The following VPS13B variants were observed in gnomAD, a reference collection of about 807,000 sequenced individuals.
VPS13B encodes the protein vacuolar protein sorting 13 homolog B.
VPS13B carries 285 observed loss-of-function variants against 426.4 expected under a neutral mutation model. The ratio of observed to expected loss-of-function variants is 0.67; its 90% confidence interval spans 0.61 to 0.74. VPS13B has a LOEUF of 0.74. Among genes scored for constraint, VPS13B ranks in the 30% least tolerant of loss-of-function variants. The probability of loss-of-function intolerance (pLI) is 0.00; values close to 1 mark genes in which losing one functional copy is unlikely to be tolerated. For synonymous variants in VPS13B, 1,676 were observed against 1,676.4 expected (o/e 1.00, Z 0.01); for missense variants, 4,537 against 4,782.6 (o/e 0.95, Z 1.51).
intron 30 of VPS13B, among the ~76,000 whole-genome samples, chr8:99,532,631 T>C (rs1822989778): frequency 6.6e-6 from 1 of 152,010 alleles, no homozygotes; most frequent in African/African-American, 2.4e-5. Context: ...TTGCTCTGTT[T>C]CTTACTATGA....
At chr8:99,351,591 C>T (rs748370474) in intron 19 of VPS13B, among the ~76,000 whole-genome samples, 7 of 152,056 alleles carry the variant, frequency 4.6e-5, no homozygotes, top group African/African-American at 1.4e-4. Flanking sequence ...CATTACCTCT[C>T]TCAAAATGTG....
At chr8:99,225,894 C>A (rs1248427390) in intron 17 of VPS13B, among the ~76,000 whole-genome samples, 2 of 152,154 alleles carry the variant, frequency 1.3e-5, no homozygotes, top group African/African-American at 4.8e-5. Flanking sequence ...ATGATCATTT[C>A]ATGACCTTCT....
intron 7 of VPS13B, among the ~76,000 whole-genome samples, chr8:99,118,003 T>C (rs967029823): frequency 6.6e-6 from 1 of 152,188 alleles, no homozygotes; most frequent in African/African-American, 2.4e-5. Context: ...AATCAGAGTA[T>C]GTAGATATAA....
At chr8:99,809,837 A>G (rs1195205958) in intron 44 of VPS13B, among the ~76,000 whole-genome samples, 2 of 152,182 alleles carry the variant, frequency 1.3e-5, no homozygotes, top group African/African-American at 4.8e-5. Flanking sequence ...GAAATAGCCA[A>G]AAGTCCTTTA....
At chr8:99,285,544 A>G (rs1819388577) in intron 19 of VPS13B, among the ~76,000 whole-genome samples, 5 of 152,104 alleles carry the variant, frequency 3.3e-5, no homozygotes, top group African/African-American at 9.7e-5. Context: ...ATTTGTTTAA[A>G]GTATGTTTTA....
intron 30 of VPS13B, among the ~76,000 whole-genome samples, chr8:99,556,027 A>G (rs1824543976): frequency 1.3e-5 from 2 of 152,108 alleles, no homozygotes; most frequent in African/African-American, 4.8e-5. Context: ...AAAACAAACA[A>G]ACAAAAAACC....
intron 33 of VPS13B, among the ~76,000 whole-genome samples, chr8:99,636,790 T>C (rs1337829781): frequency 6.6e-6 from 1 of 152,060 alleles, no homozygotes; most frequent in African/African-American, 2.4e-5. Context: ...TACAGTAATA[T>C]GCATTTAATT....
At chr8:99,160,478 G>A (rs1811587655) in intron 15 of VPS13B, among the ~76,000 whole-genome samples, 2 of 151,902 alleles carry the variant, frequency 1.3e-5, no homozygotes, top group Admixed American at 1.3e-4. Flanking sequence ...GAGCAAAGTG[G>A]TGAAACCTCA....
chr8:99,304,080 T>G (rs1405075504), intron 19 of VPS13B, among the ~76,000 whole-genome samples: 1 of 152,192 alleles, frequency 6.6e-6, no homozygotes. Flanking sequence ...TTTGTGATCA[T>G]GGGCTAGTTT....
At chr8:99,017,712 C>T (rs185727840) in intron 2 of VPS13B, among the ~76,000 whole-genome samples, 2,912 of 152,124 alleles carry the variant, frequency 0.019, 40 homozygotes, top group Non-Finnish European at 0.031. Flanking sequence ...AGGCTGGTCT[C>T]GAACTCCTGA....
chr8:99,141,467 T>A (rs1810418474), intron 12 of VPS13B, among the ~76,000 whole-genome samples: 1 of 152,170 alleles, frequency 6.6e-6, no homozygotes, highest in Admixed American at 6.5e-5. Flanking sequence ...GTAACCGAAG[T>A]TCTATCTTTA....
chr8:99,638,819 G>A lies in VPS13B; in HGVS notation c.5221-2992G>A, dbSNP rs570518171. Reference sequence around the variant, plus strand: ...TTCTCCATTTACATTTCTTTATATCGTAACAATCATGTAACTCTAGTCTGC... The same window carrying A: ...TTCTCCATTTACATTTCTTTATATCATAACAATCATGTAACTCTAGTCTGC... On this transcript the variant is annotated intron_variant, in intron 33 of 61. Transcript: ENST00000357162. Among the ~76,000 whole-genome samples the A allele has an allele frequency of 1.9e-3, 294 of 152,134 alleles. 4 individuals carry two copies. The highest frequency in any genetic ancestry group is 5.0e-3 in the Admixed American group (76 of 15,262).
At chr8:99,221,547 C>T (rs749710407) in intron 17 of VPS13B, among the ~76,000 whole-genome samples, 1 of 152,298 alleles carries the variant, frequency 6.6e-6, no homozygotes, top group South Asian at 2.1e-4. Flanking sequence ...GAAGTTTATT[C>T]TGTTACACAG....
rs142445489 is a variant in VPS13B at position 99,448,625 on chromosome 8, G to A, written c.3445+5990G>A. Among the ~76,000 whole-genome samples the A allele has an allele frequency of 1.7e-3, 265 of 152,252 alleles. 1 individual carries two copies. Among genetic ancestry groups the A allele is most frequent in the African/African-American group, 6.1e-3 (254 of 41,556 alleles). On this transcript the variant is annotated intron_variant, in intron 23 of 61. Coordinates refer to ENST00000357162, the MANE Select transcript of VPS13B (RefSeq NM_152564.5). ...TTTTCACACAGCCCTTCTGGTTTCA[G>A]TGTCATGCCTGTATTCTCTTTTTCA... is the stretch of plus-strand genomic sequence containing the variant.
intron 21 of VPS13B, among the ~76,000 whole-genome samples, chr8:99,400,660 A>G (rs1353620422): frequency 2.0e-5 from 3 of 152,048 alleles, no homozygotes; most frequent in Non-Finnish European, 4.4e-5. Context: ...ATTGCATGGT[A>G]TTACTTTTTT....
At chr8:99,130,544 T>A (rs958836614) in intron 8 of VPS13B, among the ~76,000 whole-genome samples, 5 of 151,958 alleles carry the variant, frequency 3.3e-5, no homozygotes, top group Non-Finnish European at 7.4e-5. Context: ...CCCGCCACCA[T>A]GCCCGGCTAA....
intron 19 of VPS13B, among the ~76,000 whole-genome samples, chr8:99,315,254 A>G (rs1471844269): frequency 6.6e-6 from 1 of 151,790 alleles, no homozygotes; most frequent in Non-Finnish European, 1.5e-5. Flanking sequence ...TCCCTCTGGG[A>G]CACTGAAAAT....
chr8:99,041,570 T>C lies in VPS13B; in HGVS notation c.291+3004T>C, dbSNP rs369083430. ...CTTTCTTTGATCATTGAATTAAGTC[T>C]TGGCTGGGCATGGTGGCTCACGCCT... On this transcript the variant is annotated intron_variant, in intron 3 of 61. Coordinates refer to ENST00000357162, the MANE Select transcript of VPS13B (RefSeq NM_152564.5). Among the ~76,000 whole-genome samples, 10 of 152,094 alleles carry C rather than the reference T, an allele frequency of 6.6e-5. No homozygotes were observed. In the East Asian group the frequency reaches 1.9e-3, roughly 29 times the overall value.
At chr8:99,348,998 G>T (rs1371919224) in intron 19 of VPS13B, among the ~76,000 whole-genome samples, 2 of 151,926 alleles carry the variant, frequency 1.3e-5, no homozygotes, top group African/African-American at 2.4e-5. Flanking sequence ...CTCACTAAAA[G>T]AATAGAAATA....
Sources: gnomAD v4.1 joint callset for allele counts (sites outside exome capture counted in the v4.1 genomes callset) on GRCh38, gnomAD v4.1.1 for gene constraint, MANE v1.5 for transcripts, NCBI Gene and HGNC (gene_info 2026-07-23, HGNC 2026-07-21) for gene names.